NCALD: variants seen among roughly 807,000 people sequenced by gnomAD.
NCALD encodes the protein neurocalcin-delta.
NCALD carries 10 observed loss-of-function variants against 18.6 expected under a neutral mutation model. The ratio of observed to expected loss-of-function variants is 0.54; its 90% confidence interval spans 0.33 to 0.91. The LOEUF (loss-of-function observed/expected upper bound fraction) is 0.91, where lower values mean the gene tolerates loss of function less well. Among genes scored for constraint, NCALD ranks in the 40% least tolerant of loss-of-function variants. The probability of loss-of-function intolerance (pLI) is 0.03; values close to 1 mark genes in which losing one functional copy is unlikely to be tolerated. For synonymous variants in NCALD, 88 were observed against 87.4 expected (o/e 1.01, Z -0.04); for missense variants, 184 against 247.6 (o/e 0.74, Z 1.72).
intron 1 of NCALD, among the ~76,000 whole-genome samples, chr8:102,027,307 A>G (rs1822493873): frequency 6.6e-6 from 1 of 152,238 alleles, no homozygotes. Flanking sequence ...CCTCTGGAAC[A>G]CTTTGCCACT....
At chr8:101,826,084 G>T (rs1813925809) in intron 4 of NCALD, among the ~76,000 whole-genome samples, 1 of 152,136 alleles carries the variant, frequency 6.6e-6, no homozygotes, top group South Asian at 2.1e-4. Flanking sequence ...GGAAGGTAGA[G>T]AAAAGCACTG....
At chr8:101,710,791 T>C (rs549555403) in intron 2 of NCALD, among the ~76,000 whole-genome samples, 2 of 152,288 alleles carry the variant, frequency 1.3e-5, no homozygotes, top group South Asian at 4.1e-4. Context: ...AAAACTCTCA[T>C]CTCCCTGGGA....
At chr8:101,916,420 A>T (rs1463910221) in intron 2 of NCALD, among the ~76,000 whole-genome samples, 1 of 152,180 alleles carries the variant, frequency 6.6e-6, no homozygotes, top group Non-Finnish European at 1.5e-5. Context: ...CCACAAAAGC[A>T]CTGTTAAGTA....
intron 2 of NCALD, among the ~76,000 whole-genome samples, chr8:101,945,372 G>A (rs527605502): frequency 3.6e-4 from 55 of 152,284 alleles, no homozygotes; most frequent in African/African-American, 1.2e-3. Context: ...GCTAAAATGC[G>A]GAATGGAGCA....
intron 1 of NCALD, among the ~76,000 whole-genome samples, chr8:102,024,904 T>G (rs536886118): frequency 6.6e-6 from 1 of 152,318 alleles, no homozygotes; most frequent in East Asian, 1.9e-4. Flanking sequence ...ACACCCCATA[T>G]TCCAGCCTTG....
chr8:101,928,178 C>T (rs1027491527), intron 2 of NCALD, among the ~76,000 whole-genome samples: 12 of 152,026 alleles, frequency 7.9e-5, no homozygotes, highest in Middle Eastern at 3.2e-3. Flanking sequence ...TCAATGATCG[C>T]GCGATGTAGA....
chr8:101,843,387 C>T (rs534481905), intron 4 of NCALD, among the ~76,000 whole-genome samples: 2 of 152,260 alleles, frequency 1.3e-5, no homozygotes, highest in African/African-American at 4.8e-5. Context: ...GGTTTAAACA[C>T]CCTCCAGGGG....
In NCALD at chr8:102,008,060, T is replaced by C. The variant is rs543571356; in HGVS notation, c.-157+12177A>G. On this transcript the variant is annotated intron_variant, in intron 2 of 6. Coordinates refer to the NCALD transcript ENST00000311028. ...GATATAATTCTTCCATTCAACATTT[T>C]CTATGCCTTTGGCATGTGTAAGAGG... Among the ~76,000 whole-genome samples, 4 of 152,374 alleles carry C rather than the reference T, an allele frequency of 2.6e-5. No homozygotes were observed. The South Asian group carries it at 8.3e-4, about 32-fold the overall frequency.
chr8:101,730,822 T>C (rs2130579291), intron 1 of NCALD, among the ~76,000 whole-genome samples: 1 of 152,338 alleles, frequency 6.6e-6, no homozygotes, highest in Admixed American at 6.5e-5. Context: ...CTTCATGTCA[T>C]TGGCAAGAAC....
At chr8:102,059,255 A>G (rs927117206) in intron 1 of NCALD, among the ~76,000 whole-genome samples, 3 of 152,230 alleles carry the variant, frequency 2.0e-5, no homozygotes, top group African/African-American at 7.2e-5. Context: ...TTCCAAGGAC[A>G]TCCTCTTGTA....
chr8:101,806,497 T>C (rs1479124975), intron 4 of NCALD, among the ~76,000 whole-genome samples: 1 of 151,880 alleles, frequency 6.6e-6, no homozygotes, highest in Non-Finnish European at 1.5e-5. Flanking sequence ...ATAGAGAATA[T>C]CAATAAAGAG....
intron 2 of NCALD, among the ~76,000 whole-genome samples, chr8:101,938,906 C>T (rs1032932224): frequency 1.3e-5 from 2 of 152,334 alleles, no homozygotes; most frequent in African/African-American, 4.8e-5. Flanking sequence ...AAACAATTAA[C>T]TTTTGCCTCA....
intron 4 of NCALD, among the ~76,000 whole-genome samples, chr8:101,836,891 T>C (rs910428023): frequency 1.1e-4 from 17 of 152,228 alleles, no homozygotes; most frequent in African/African-American, 4.1e-4. Flanking sequence ...AGGAAATTCC[T>C]TATGGCTTAA....
chr8:101,843,767 A>C (rs1814749992), intron 4 of NCALD, among the ~76,000 whole-genome samples: 1 of 151,916 alleles, frequency 6.6e-6, no homozygotes, highest in African/African-American at 2.4e-5. Context: ...TTTTCTGTAG[A>C]GATGGGCTTT....
chr8:101,766,805 C>T (rs978599436), intron 1 of NCALD, among the ~76,000 whole-genome samples: 1 of 152,196 alleles, frequency 6.6e-6, no homozygotes, highest in Non-Finnish European at 1.5e-5. Context: ...TCTCGAACTT[C>T]TGACCTCAGG....
At chr8:102,011,125 A>C (rs965583069) in intron 2 of NCALD, among the ~76,000 whole-genome samples, 6 of 152,054 alleles carry the variant, frequency 3.9e-5, no homozygotes, top group African/African-American at 1.4e-4. Flanking sequence ...TTCTTTCTTG[A>C]CCTCACGGAG....
At chr8:101,949,914 A>ACT (rs1316385321) in intron 2 of NCALD, among the ~76,000 whole-genome samples, 1 of 152,184 alleles carries the variant, frequency 6.6e-6, no homozygotes, top group African/African-American at 2.4e-5. Context: ...AATCATCCAG[A>ACT]CTGAGAGGTG....
chr8:101,854,037 A>G (rs1362467092), intron 4 of NCALD, among the ~76,000 whole-genome samples: 1 of 152,200 alleles, frequency 6.6e-6, no homozygotes, highest in Non-Finnish European at 1.5e-5. Context: ...CAGATATAAC[A>G]TCCGCTTTGG....
At position 101,861,861 on chromosome 8, in the gene NCALD, C is replaced by T. The variant is rs1477022082; in HGVS notation, c.-20+25280G>A. ...TGACATAAGTTAGCTGTTAAGGCTG[C>T]GTGTGTTCCTGGGTCTCGACTTCAT... On this transcript the variant is annotated intron_variant, in intron 4 of 6. Coordinates refer to the NCALD transcript ENST00000311028. Among the ~76,000 whole-genome samples, 4 of 152,184 alleles carry T rather than the reference C, an allele frequency of 2.6e-5. No individual in the cohort carries two copies. In the South Asian group the frequency reaches 6.2e-4, roughly 24 times the overall value.
Sources: allele counts gnomAD v4.1 joint callset (sites outside exome capture counted in the v4.1 genomes callset), GRCh38; gene constraint gnomAD v4.1.1; transcripts MANE v1.5; gene names NCBI Gene and HGNC (gene_info 2026-07-23, HGNC 2026-07-21).